The following CFAP61 variants were observed in gnomAD, a reference collection of about 807,000 sequenced individuals.
The protein encoded by CFAP61 is cilia and flagella associated protein 61.
Under a neutral mutation model 135.6 loss-of-function variants are expected in CFAP61, and 107 were observed. The ratio of observed to expected loss-of-function variants is 0.79; its 90% confidence interval spans 0.67 to 0.93. CFAP61 has a LOEUF of 0.93. Among genes scored for constraint, CFAP61 ranks in the 40% least tolerant of loss-of-function variants. CFAP61 has a pLI of 0.00. For synonymous variants in CFAP61, 575 were observed against 578.5 expected, an observed-to-expected ratio of 0.99 and a Z score of 0.09; for missense variants, 1,507 against 1,556.2, an observed-to-expected ratio of 0.97 and a Z score of 0.53.
At chr20:20,196,814 A>G (rs755236538) in intron 16 of CFAP61, 38 bp downstream of exon 16, 5 of 1,551,298 alleles carry the variant, frequency 3.2e-6, no homozygotes, top group African/African-American at 2.7e-5. Flanking sequence ...CAGCAGGTCA[A>G]CGTTCACAGT....
In CFAP61 at chr20:20,250,000, T is replaced by C. The variant is rs6046756; in HGVS notation, c.2160-1595T>C. ...TTCCTCTCACTATCCATTATTTTCC[T>C]GTGATAGGCCAGTCCCCGATTTTCT... On this transcript the variant is annotated intron_variant, in intron 19 of 26. Coordinates refer to ENST00000245957, the MANE Select transcript of CFAP61 (RefSeq NM_015585.4). Among the ~76,000 whole-genome samples the C allele has an allele frequency of 5.7e-3, 868 of 152,342 alleles. 10 individuals carry two copies. Among genetic ancestry groups the C allele is most frequent in the African/African-American group, 0.019 (807 of 41,588 alleles).
chr20:20,166,971 G>A (rs1023948820), intron 12 of CFAP61, among the ~76,000 whole-genome samples: 13 of 152,170 alleles, frequency 8.5e-5, no homozygotes, highest in East Asian at 1.9e-4. Flanking sequence ...AGGGTGTCCC[G>A]GGCTTCTGCC....
At position 20,228,729 on chromosome 20, in the gene CFAP61, A is replaced by AAT. The variant is rs1207258300; in HGVS notation, c.2060+356_2060+357dup. On this transcript the variant is annotated intron_variant, in intron 18 of 26. Coordinates refer to ENST00000245957, the MANE Select transcript of CFAP61 (RefSeq NM_015585.4). ...AGACCATATGGCCTTCAGTGCCTAA[A>AAT]ATATGTACAGTCTCACCCTTCCCAG... 18 of 170,954 alleles carry AAT rather than the reference A, an allele frequency of 1.1e-4. 1 individual carries two copies. The East Asian group carries it at 2.5e-3, about 24-fold the overall frequency. The allele number at this position is 170,954 out of a possible 1,614,324, so 10.6% of individuals were successfully genotyped here.
intron 13 of CFAP61, among the ~76,000 whole-genome samples, chr20:20,186,475 A>G (rs1046912582): frequency 6.6e-6 from 1 of 152,162 alleles, no homozygotes; most frequent in Non-Finnish European, 1.5e-5. Flanking sequence ...TAATGCTGCT[A>G]TGAAAATTCA....
intron 18 of CFAP61, among the ~76,000 whole-genome samples, chr20:20,233,606 G>A (rs950955026): frequency 1.3e-5 from 2 of 152,192 alleles, no homozygotes; most frequent in Non-Finnish European, 2.9e-5. Flanking sequence ...GCCAGGCTCA[G>A]AGTCTCAGTC....
chr20:20,109,189 A>G (rs1171170116), intron 8 of CFAP61, among the ~76,000 whole-genome samples: 3 of 152,140 alleles, frequency 2.0e-5, no homozygotes, highest in Non-Finnish European at 2.9e-5. Context: ...CCTGTTACTG[A>G]TGATGATGTG....
At chr20:20,330,694 C>T (rs527487549) in intron 25 of CFAP61, among the ~76,000 whole-genome samples, 7 of 152,230 alleles carry the variant, frequency 4.6e-5, no homozygotes, top group African/African-American at 1.7e-4. Flanking sequence ...GCTCCTGGAC[C>T]AGACCATGGG....
At position 20,085,139 on chromosome 20, in the gene CFAP61, A is replaced by C. The variant is rs8121870; in HGVS notation, c.567-5705A>C. 0.011 allele frequency: 10,377 copies of C among 985,396 alleles called. 827 individuals are homozygous for C. In the African/African-American group the frequency reaches 0.17, roughly 16 times the overall value. 61.0% of individuals were successfully genotyped at this position (985,396 alleles called of 1,614,324 possible). On this transcript the variant is annotated intron_variant, in intron 6 of 26. Coordinates refer to ENST00000245957, the MANE Select transcript of CFAP61 (RefSeq NM_015585.4). ...AACTCCGCATCTTCATCGCCACTGG[A>C]ACACTGTGCGGCCTGTCAGTGCCAG...
chr20:20,174,270 C>T (rs374747724), intron 13 of CFAP61, among the ~76,000 whole-genome samples: 32 of 152,292 alleles, frequency 2.1e-4, no homozygotes, highest in African/African-American at 7.2e-4. Context: ...TTGTCGCCAG[C>T]GCACCCGCCA....
intron 26 of CFAP61, among the ~76,000 whole-genome samples, chr20:20,355,884 G>A (rs1602172161): frequency 6.8e-5 from 10 of 147,668 alleles, no homozygotes; most frequent in African/African-American, 2.0e-4. Context: ...GTGAGGGGAG[G>A]TGGTCACACT....
chr20:20,073,879 C>T (rs2045885089), intron 3 of CFAP61: 1 of 159,456 alleles, frequency 6.3e-6, no homozygotes, highest in South Asian at 1.9e-4. Context: ...AGCATCTCTC[C>T]CTCCTGTCAC....
chr20:20,196,489 T>C, intron 15 of CFAP61, 81 bp from the exon 16 acceptor site: 2 of 1,089,722 alleles, frequency 1.8e-6, no homozygotes, highest in Non-Finnish European at 2.8e-6. Flanking sequence ...CCTAAAGTAA[T>C]TTTTAAAAGA....
intron 22 of CFAP61, among the ~76,000 whole-genome samples, chr20:20,279,211 A>G (rs6081947): frequency 0.28 from 42,144 of 151,972 alleles, 6,275 homozygotes; most frequent in South Asian, 0.37. Context: ...TGACAAAAAC[A>G]TCTGGCAAAT....
chr20:20,097,660 T>C (rs1568894734), intron 7 of CFAP61, among the ~76,000 whole-genome samples: 1 of 152,200 alleles, frequency 6.6e-6, no homozygotes, highest in East Asian at 1.9e-4. Context: ...CTGAAAATCA[T>C]GGGGACGACT....
rs565019947 is a variant in CFAP61 at position 20,213,253 on chromosome 20, T to A, written c.1932+13351T>A. On this transcript the variant is annotated intron_variant, in intron 17 of 26. Coordinates refer to ENST00000245957, the MANE Select transcript of CFAP61 (RefSeq NM_015585.4). Reference sequence around the variant, plus strand: ...TCATAATTATTTTGAAAGAATTTCATGCAAGAAGCCCATCAGATGCAATTA... The same window carrying A: ...TCATAATTATTTTGAAAGAATTTCAAGCAAGAAGCCCATCAGATGCAATTA... Among the ~76,000 whole-genome samples, 9 of 152,340 alleles carry A rather than the reference T, an allele frequency of 5.9e-5. No individual in the cohort carries two copies. The South Asian group carries it at 1.7e-3, about 28-fold the overall frequency.
At chr20:20,226,461 T>C (rs1381661314) in intron 17 of CFAP61, among the ~76,000 whole-genome samples, 2 of 152,242 alleles carry the variant, frequency 1.3e-5, no homozygotes, top group Non-Finnish European at 2.9e-5. Flanking sequence ...GACAGTTGTT[T>C]TAAGCCAATG....
chr20:20,350,139 A>G (rs1410593293), intron 26 of CFAP61, among the ~76,000 whole-genome samples: 1 of 152,280 alleles, frequency 6.6e-6, no homozygotes, highest in African/African-American at 2.4e-5. Context: ...CCATAATGAG[A>G]TACCACTTTA....
At chr20:20,226,707 G>A (rs920554627) in intron 17 of CFAP61, among the ~76,000 whole-genome samples, 5 of 152,146 alleles carry the variant, frequency 3.3e-5, no homozygotes. Context: ...AAAACAAGAA[G>A]GCTTCTCTTC....
intron 18 of CFAP61, among the ~76,000 whole-genome samples, chr20:20,233,186 G>C (rs6515091): frequency 0.013 from 1,985 of 152,326 alleles, 20 homozygotes; most frequent in Middle Eastern, 0.027. Context: ...CCAGCCTAGC[G>C]CTGGCGGCTT....
Sources: allele counts gnomAD v4.1 joint callset (sites outside exome capture counted in the v4.1 genomes callset), GRCh38; gene constraint gnomAD v4.1.1; transcripts MANE v1.5; gene names NCBI Gene and HGNC (gene_info 2026-07-23, HGNC 2026-07-21).